The following AFF3 variants were observed in gnomAD, a reference collection of about 807,000 sequenced individuals.
AFF3 encodes the protein ALF transcription elongation factor 3, also known as AF4/FMR2 family member 3.
A neutral mutation model predicts 129.7 loss-of-function variants in AFF3; 32 were observed. The observed-to-expected ratio is 0.25, with a 90% CI of 0.19 to 0.33. The LOEUF is 0.33. Among genes scored for constraint, AFF3 ranks in the 10% least tolerant of loss-of-function variants. The pLI is 1.00. For synonymous variants in AFF3, 644 were observed against 635.4 expected (o/e 1.01, Z -0.20); for missense variants, 1,373 against 1,592.0 (o/e 0.86, Z 2.34).
intron 19 of AFF3, among the ~76,000 whole-genome samples, chr2:99,566,257 T>G (rs1675954573): frequency 1.3e-5 from 2 of 152,112 alleles, no homozygotes; most frequent in African/African-American, 4.8e-5. Context: ...CAATTGTTTT[T>G]TTTTTTTGTT....
intron 12 of AFF3, among the ~76,000 whole-genome samples, chr2:99,661,019 A>C (rs945643589): frequency 7.9e-5 from 12 of 152,218 alleles, no homozygotes; most frequent in African/African-American, 2.9e-4. Flanking sequence ...TATCTGGACC[A>C]AACACCTGAG....
At chr2:99,574,155 C>A (rs1676768073) in intron 18 of AFF3, among the ~76,000 whole-genome samples, 1 of 152,186 alleles carries the variant, frequency 6.6e-6, no homozygotes, top group African/African-American at 2.4e-5. Context: ...TGTTGTCATT[C>A]ATTGACACAA....
chr2:100,007,816 A>G (rs1303491883), intron 5 of AFF3: 4 of 225,542 alleles, frequency 1.8e-5, no homozygotes, highest in African/African-American at 6.9e-5. Context: ...CTCTACTAAA[A>G]ATACAAAAAT....
chr2:99,694,239 T>C (rs996659238), intron 11 of AFF3, among the ~76,000 whole-genome samples: 5 of 152,030 alleles, frequency 3.3e-5, no homozygotes, highest in Non-Finnish European at 5.9e-5. Flanking sequence ...GTCAATACAT[T>C]AGAGATAGGT....
chr2:100,066,008 AGAAAT>A (rs903860589), intron 4 of AFF3, among the ~76,000 whole-genome samples: 2 of 152,222 alleles, frequency 1.3e-5, no homozygotes, highest in African/African-American at 4.8e-5. Flanking sequence ...AAGCAAGAAA[AGAAAT>A]GAAGAAGGCA....
At position 99,548,071 on chromosome 2, in the gene AFF3, C is replaced by T. The variant is rs1393243426; in HGVS notation, c.*3403G>A. 4.8e-6 allele frequency: 1 copy of T among 207,502 alleles called. No individual in the cohort carries two copies. The highest frequency in any genetic ancestry group is 9.9e-6 in the Non-Finnish European group (1 of 101,424). 12.9% of individuals were successfully genotyped at this position (207,502 alleles called of 1,614,324 possible). ...GCACGATTCTGCACATGAGTCTGAT[C>T]TGTGTAGAGTAGTATCATCAAAAAT... On this transcript the variant is annotated 3_prime_UTR_variant, in exon 25 of 25. Transcript: ENST00000672756.
At chr2:99,606,170 CAGG>C (rs57579794) in intron 13 of AFF3, among the ~76,000 whole-genome samples, 70,377 of 151,770 alleles carry the variant, frequency 0.46, 16,451 homozygotes, top group Non-Finnish European at 0.49. Context: ...CCCAGCTACT[CAGG>C]AGGATTACTT....
intron 7 of AFF3, among the ~76,000 whole-genome samples, chr2:99,913,715 A>G (rs1472242335): frequency 6.6e-6 from 1 of 152,172 alleles, no homozygotes; most frequent in Non-Finnish European, 1.5e-5. Flanking sequence ...TGATTCTAGA[A>G]CATCTTGCTA....
intron 7 of AFF3, among the ~76,000 whole-genome samples, chr2:99,914,398 G>C (rs1358246454): frequency 6.6e-6 from 1 of 152,190 alleles, no homozygotes; most frequent in Admixed American, 6.5e-5. Flanking sequence ...TATTAAAGGA[G>C]CCTAAAGAGA....
At chr2:99,683,453 T>A (rs1346876538) in intron 11 of AFF3, among the ~76,000 whole-genome samples, 1 of 152,218 alleles carries the variant, frequency 6.6e-6, no homozygotes, top group Non-Finnish European at 1.5e-5. Context: ...TTTCTTTTTC[T>A]TTCTTTTTTT....
At chr2:99,622,045 G>C (rs1682073478) in intron 13 of AFF3, among the ~76,000 whole-genome samples, 1 of 152,142 alleles carries the variant, frequency 6.6e-6, no homozygotes, top group African/African-American at 2.4e-5. Context: ...TTTCCTATAG[G>C]GTGTGAAGCT....
chr2:99,774,097 A>G (rs554070044), intron 8 of AFF3, among the ~76,000 whole-genome samples: 1 of 152,334 alleles, frequency 6.6e-6, no homozygotes, highest in South Asian at 2.1e-4. Flanking sequence ...GACACAAACA[A>G]ATGGAAAAAC....
chr2:99,885,979 A>C (rs1693082147), intron 7 of AFF3, among the ~76,000 whole-genome samples: 1 of 152,222 alleles, frequency 6.6e-6, no homozygotes, highest in Non-Finnish European at 1.5e-5. Context: ...ATGACAGGAG[A>C]TACTGGAACA....
At chr2:99,661,654 G>A (rs1211034413) in intron 12 of AFF3, among the ~76,000 whole-genome samples, 2 of 152,108 alleles carry the variant, frequency 1.3e-5, no homozygotes, top group Non-Finnish European at 2.9e-5. Context: ...GAGTCTCTGT[G>A]CTCAGTGATA....
intron 7 of AFF3, among the ~76,000 whole-genome samples, chr2:99,973,601 T>C (rs139972398): frequency 1.8e-3 from 267 of 152,328 alleles, no homozygotes; most frequent in Non-Finnish European, 3.2e-3. Flanking sequence ...CCATTTCATC[T>C]TGGGTATACA....
chr2:99,787,418 C>A (rs1490353213), intron 8 of AFF3, among the ~76,000 whole-genome samples: 1 of 152,152 alleles, frequency 6.6e-6, no homozygotes, highest in Admixed American at 6.5e-5. Context: ...GCCACCCCTG[C>A]AGTGTGAGCG....
At chr2:99,571,268 ATACTC>A (rs570552040) in intron 18 of AFF3, among the ~76,000 whole-genome samples, 3 of 151,962 alleles carry the variant, frequency 2.0e-5, no homozygotes, top group Non-Finnish European at 2.9e-5. Flanking sequence ...TATCTGTTCT[ATACTC>A]TAGTATATAA....
At chr2:99,742,431 G>T (rs1680793522) in intron 10 of AFF3, among the ~76,000 whole-genome samples, 1 of 152,140 alleles carries the variant, frequency 6.6e-6, no homozygotes, top group Admixed American at 6.5e-5. Context: ...AAATGCCAGA[G>T]GGTTTTATAC....
At chr2:99,786,458 A>G (rs1346414808) in intron 8 of AFF3, among the ~76,000 whole-genome samples, 3 of 152,232 alleles carry the variant, frequency 2.0e-5, no homozygotes, top group African/African-American at 7.2e-5. Context: ...CAGATAAAAT[A>G]AAGTTCACCT....
Sources: gnomAD v4.1 joint callset for allele counts (sites outside exome capture counted in the v4.1 genomes callset) on GRCh38, gnomAD v4.1.1 for gene constraint, MANE v1.5 for transcripts, NCBI Gene and HGNC (gene_info 2026-07-23, HGNC 2026-07-21) for gene names.